Variants in NUDCD1 observed in about 807,000 individuals in gnomAD.
The protein encoded by NUDCD1 is nudC domain-containing protein 1.
A neutral mutation model predicts 67.8 loss-of-function variants in NUDCD1; 60 were observed. The ratio of observed to expected loss-of-function variants is 0.88; its 90% CI spans 0.72 to 1.10. The LOEUF (loss-of-function observed/expected upper bound fraction) is 1.10. Among genes scored for constraint, NUDCD1 ranks in the 50% least tolerant of loss-of-function variants. The probability of loss-of-function intolerance (pLI) is 0.00; values close to 1 mark genes in which losing one functional copy is unlikely to be tolerated. For missense variants in NUDCD1, 643 were observed against 695.0 expected (o/e 0.93, Z 0.84); for synonymous variants, 244 against 230.8 (o/e 1.06, Z -0.52).
chr8:109,246,103 C>A (rs751280046), intron 8 of NUDCD1, among the ~76,000 whole-genome samples: 2 of 152,230 alleles, frequency 1.3e-5, no homozygotes, highest in South Asian at 4.1e-4. Context: ...CAAGCCCCCA[C>A]AGGCCCATGG....
At chr8:109,297,030 T>C (rs984960048) in intron 2 of NUDCD1, among the ~76,000 whole-genome samples, 10 of 152,214 alleles carry the variant, frequency 6.6e-5, no homozygotes, top group Non-Finnish European at 1.5e-4. Flanking sequence ...GAAAAAATCA[T>C]GAGCCAGACC....
At chr8:109,266,065 C>T (rs1813984652) in intron 8 of NUDCD1, among the ~76,000 whole-genome samples, 1 of 150,870 alleles carries the variant, frequency 6.6e-6, no homozygotes, top group South Asian at 2.1e-4. Flanking sequence ...TGTTGTCCAA[C>T]AGAAATAAAA....
At chr8:109,332,559 A>T (rs1011640845) in intron 1 of NUDCD1, among the ~76,000 whole-genome samples, 5 of 152,216 alleles carry the variant, frequency 3.3e-5, no homozygotes, top group Admixed American at 1.3e-4. Flanking sequence ...CAGCCAAATG[A>T]GCAGAGCTTC....
chr8:109,286,245 A>G (rs1021331676), intron 5 of NUDCD1, among the ~76,000 whole-genome samples: 10 of 152,272 alleles, frequency 6.6e-5, no homozygotes, highest in African/African-American at 2.4e-4. Flanking sequence ...CAAACTACAG[A>G]GTAAATGCTA....
chr8:109,301,417 G>A (rs904208121), intron 2 of NUDCD1, among the ~76,000 whole-genome samples: 35 of 152,100 alleles, frequency 2.3e-4, no homozygotes, highest in African/African-American at 4.3e-4. Context: ...GACTCAGCTC[G>A]CCTGCACCCA....
chr8:109,291,688 A>G (rs1182013163), intron 4 of NUDCD1, among the ~76,000 whole-genome samples: 2 of 152,192 alleles, frequency 1.3e-5, no homozygotes, highest in East Asian at 1.9e-4. Flanking sequence ...GGGAACAATA[A>G]AGAGAATTAA....
intron 2 of NUDCD1, among the ~76,000 whole-genome samples, chr8:109,313,404 T>A (rs1272053458): frequency 1.3e-5 from 2 of 152,152 alleles, no homozygotes; most frequent in African/African-American, 2.4e-5. Context: ...CCAAAACAAA[T>A]ATCATGATAC....
chr8:109,287,743 G>A (rs1403580900), intron 5 of NUDCD1, among the ~76,000 whole-genome samples: 1 of 152,050 alleles, frequency 6.6e-6, no homozygotes, highest in East Asian at 1.9e-4. Flanking sequence ...ATACAACCAG[G>A]TAAAAGAACA....
chr8:109,324,540 A>G (rs1385799397), intron 1 of NUDCD1, among the ~76,000 whole-genome samples: 2 of 152,220 alleles, frequency 1.3e-5, no homozygotes, highest in East Asian at 3.9e-4. Flanking sequence ...ATACCACAAT[A>G]GGCACTCCCA....
chr8:109,309,445 T>C (rs544867006), intron 2 of NUDCD1, among the ~76,000 whole-genome samples: 1 of 152,290 alleles, frequency 6.6e-6, no homozygotes, highest in South Asian at 2.1e-4. Flanking sequence ...AAAATTGGCA[T>C]ACAACGGACA....
intron 8 of NUDCD1, among the ~76,000 whole-genome samples, chr8:109,256,911 A>G (rs1038294457): frequency 1.3e-5 from 2 of 152,132 alleles, no homozygotes; most frequent in African/African-American, 4.8e-5. Context: ...TGCTATTCCA[A>G]ATTACAGGAG....
intron 2 of NUDCD1, among the ~76,000 whole-genome samples, chr8:109,302,320 A>C (rs1815008409): frequency 6.6e-6 from 1 of 152,122 alleles, no homozygotes; most frequent in Non-Finnish European, 1.5e-5. Flanking sequence ...ATGTCCAGGC[A>C]TTCTTTTACA....
At chr8:109,289,446 T>A (rs1032273145) in intron 5 of NUDCD1, among the ~76,000 whole-genome samples, 13 of 152,260 alleles carry the variant, frequency 8.5e-5, no homozygotes, top group Admixed American at 7.8e-4. Flanking sequence ...ATTAATACCA[T>A]CAATACTAAT....
chr8:109,296,825 T>A (rs933186613), intron 2 of NUDCD1, among the ~76,000 whole-genome samples: 3 of 152,208 alleles, frequency 2.0e-5, no homozygotes, highest in Non-Finnish European at 4.4e-5. Context: ...GGATCACACA[T>A]TCTGAGGGTG....
At chr8:109,312,238 T>C (rs773498240) in intron 2 of NUDCD1, among the ~76,000 whole-genome samples, 13 of 148,008 alleles carry the variant, frequency 8.8e-5, no homozygotes, top group Non-Finnish European at 1.8e-4. Flanking sequence ...GAGGCAGAGT[T>C]TGCAGTGAGC....
At chr8:109,333,852 G>A (rs1815879638) in intron 1 of NUDCD1, 41 bp downstream of exon 1, 2 of 1,608,874 alleles carry the variant, frequency 1.2e-6, no homozygotes, top group Non-Finnish European at 1.7e-6. Context: ...GCAGCCGAAA[G>A]GGGAAAGGAA....
intron 2 of NUDCD1, among the ~76,000 whole-genome samples, chr8:109,310,132 T>G (rs376275087): frequency 2.0e-4 from 30 of 152,124 alleles, no homozygotes; most frequent in Middle Eastern, 6.8e-3. Flanking sequence ...AAAATTCACA[T>G]GTAACCAAAA....
intron 8 of NUDCD1, among the ~76,000 whole-genome samples, chr8:109,266,218 A>G (rs1248800593): frequency 6.8e-6 from 1 of 147,958 alleles, no homozygotes; most frequent in Non-Finnish European, 1.5e-5. Flanking sequence ...TGATATAAAA[A>G]TTTATTAGTA....
At chr8:109,272,976 C>T (rs143315675) in intron 7 of NUDCD1, among the ~76,000 whole-genome samples, 20 of 152,220 alleles carry the variant, frequency 1.3e-4, no homozygotes, top group African/African-American at 4.8e-4. Flanking sequence ...CTTCCCCTTC[C>T]AATTATTCAT....
Sources: gnomAD v4.1 joint callset for allele counts (sites outside exome capture counted in the v4.1 genomes callset) on GRCh38, gnomAD v4.1.1 for gene constraint, MANE v1.5 for transcripts, NCBI Gene and HGNC (gene_info 2026-07-23, HGNC 2026-07-21) for gene names.